Variants in DGKE observed in about 807,000 individuals in gnomAD.
DGKE encodes diacylglycerol kinase epsilon, also known as DAG kinase epsilon.
In DGKE, 53 loss-of-function variants were observed where a neutral mutation model predicts 70.0. The observed-to-expected ratio is 0.76, with a 90% CI of 0.61 to 0.95. The LOEUF is 0.95. Among genes scored for constraint, DGKE ranks in the 40% least tolerant of loss-of-function variants. The pLI is 0.00. For missense variants in DGKE, 655 were observed against 706.9 expected (o/e 0.93, Z 0.83); for synonymous variants, 291 against 257.0 (o/e 1.13, Z -1.27).
Position 56,834,837 on chromosome 17 carries a change from G to A in DGKE, c.42G>A (p.Glu14=). 1.9e-6 allele frequency: 3 copies of A among 1,610,330 alleles called. No homozygotes were observed. The highest frequency in any genetic ancestry group is 2.5e-6 in the Non-Finnish European group (3 of 1,178,650). ...ERRPAPGSPS[E]GLFADGHLIL... Reference sequence around the variant, plus strand: ...GGCCGGCGCCGGGCTCGCCCTCCGAGGGCCTGTTTGCGGACGGGCACCTGA... The same window carrying A: ...GGCCGGCGCCGGGCTCGCCCTCCGAAGGCCTGTTTGCGGACGGGCACCTGA... The change falls in exon 2 of 12, where the codon GAG becomes GAA. Residue 14 remains glutamate (E), a synonymous_variant. Coordinates refer to ENST00000284061, the MANE Select transcript of DGKE (RefSeq NM_003647.3).
At chr17:56,858,021 C>T (rs1388686771) in intron 8 of DGKE, among the ~76,000 whole-genome samples, 1 of 140,886 alleles carries the variant, frequency 7.1e-6, no homozygotes, top group Non-Finnish European at 1.5e-5. Context: ...TGCAGTGGGC[C>T]GAGATCGCGC....
In DGKE at chr17:56,861,866, G is replaced by A. The variant is rs1480696814; in HGVS notation, c.1360G>A (p.Gly454Ser). 1.3e-5 allele frequency: 21 copies of A among 1,613,768 alleles called. No individual in the cohort carries two copies. Among genetic ancestry groups the A allele is most frequent in the East Asian group, 6.7e-5 (3 of 44,898 alleles). Residue 454 changes from glycine to serine, a missense_variant, in exon 10 of 12, where the codon GGT becomes AGT. Transcript: ENST00000284061. ...IIVLNIGYWG[G>S]GCRLWEGMGD... ...AGTTCTGAACATCGGATACTGGGGC[G>A]GTGGCTGCAGACTATGGGAAGGGAT... is the stretch of plus-strand genomic sequence containing the variant.
chr17:56,869,503 A>G lies in DGKE; in HGVS notation c.*6712A>G, dbSNP rs551812788. 7.2e-5 allele frequency: 11 copies of G among 152,322 alleles called. No individual in the cohort carries two copies. Among genetic ancestry groups the G allele is most frequent in the African/African-American group, 2.6e-4 (11 of 41,566 alleles). The allele number at this position is 152,322 out of a possible 1,614,324, so 9.4% of individuals were successfully genotyped here. On this transcript the variant is annotated 3_prime_UTR_variant, in exon 12 of 12. Transcript: ENST00000284061. ...GAAGAATATTCTGTAGTCCTGCTTT[A>G]TTCTGCCATCTTTACCTGGAAATCC... is the stretch of plus-strand genomic sequence containing the variant.
chr17:56,862,250 G>T lies in DGKE; in HGVS notation c.1523G>T (p.Arg508Met). The T allele has an allele frequency of 6.2e-7, 1 of 1,612,922 alleles. No individual in the cohort carries two copies. Among genetic ancestry groups the T allele is most frequent in the Non-Finnish European group, 8.5e-7 (1 of 1,179,050 alleles). Residue 508 changes from arginine to methionine, a missense_variant and splice_region_variant, in exon 11 of 12, where the codon AGG becomes ATG. Transcript: ENST00000284061. ...PFRIGQAHTV[R>M]LILKCSMMPM... is the part of the protein sequence containing the mutation. ...CGAATAGGACAGGCACATACAGTGA[G>T]GGTAGGTGAAATATAGCTGTAACAG...
rs371350724 is a variant in DGKE at position 56,844,450 on chromosome 17, TTGCC to T, written c.624+276_624+279del. 7.2e-5 allele frequency among the ~76,000 whole-genome samples: 11 copies of T among 152,310 alleles called. No homozygotes were observed. In the East Asian group the frequency reaches 1.7e-3, roughly 24 times the overall value. On this transcript the variant is annotated intron_variant, in intron 3 of 11. Coordinates refer to ENST00000284061, the MANE Select transcript of DGKE (RefSeq NM_003647.3). The stretch of plus-strand genomic sequence containing the variant: ...TGTTATATTAGTGGTTTCCAAATCA[TTGCC>T]TGCATCTGAATGATTTAGGGAGCTT...
intron 7 of DGKE, among the ~76,000 whole-genome samples, chr17:56,855,118 A>G (rs1258491403): frequency 6.6e-6 from 1 of 152,132 alleles, no homozygotes; most frequent in Non-Finnish European, 1.5e-5. Flanking sequence ...AAACTAGAAA[A>G]AAAAAATTCA....
intron 2 of DGKE, among the ~76,000 whole-genome samples, chr17:56,841,790 CAG>C (rs1906995911): frequency 6.6e-6 from 1 of 152,024 alleles, no homozygotes; most frequent in Admixed American, 6.6e-5. Context: ...TTTTAAAAAA[CAG>C]AAAAGGGGTC....
chr17:56,853,138 A>G (rs1217699785), intron 7 of DGKE, among the ~76,000 whole-genome samples: 2 of 152,290 alleles, frequency 1.3e-5, no homozygotes, highest in East Asian at 3.9e-4. Flanking sequence ...ATTTTTTAAT[A>G]AGATTATTGG....
rs148695016 is a variant in DGKE, at chr17:56,862,146, C to T, written c.1419C>T (p.Asp473=). The change falls in exon 11 of 12, where the codon GAC becomes GAT. Residue 473 remains aspartate, a synonymous_variant. Coordinates refer to ENST00000284061, the MANE Select transcript of DGKE (RefSeq NM_003647.3). ...GDETYPLARH[D]DGLLEVVGVY... is the part of the protein sequence containing the mutation. ...TTTCTTTTTCCAATTTTAGGCATGA[C>T]GATGGTCTGCTGGAAGTCGTTGGAG... is the stretch of plus-strand genomic sequence containing the variant. 2.6e-5 allele frequency: 42 copies of T among 1,613,898 alleles called. No individual in the cohort carries two copies. The highest frequency in any genetic ancestry group is 5.0e-5 in the Admixed American group (3 of 59,988).
At chr17:56,837,356 A>G (rs752003419) in intron 2 of DGKE, among the ~76,000 whole-genome samples, 8 of 152,170 alleles carry the variant, frequency 5.3e-5, no homozygotes, top group Non-Finnish European at 1.2e-4. Context: ...ATATCTTTAA[A>G]AACATGCACC....
chr17:56,841,791 AG>A (rs1364103398), intron 2 of DGKE, among the ~76,000 whole-genome samples: 2 of 152,154 alleles, frequency 1.3e-5, no homozygotes, highest in African/African-American at 4.8e-5. Context: ...TTTAAAAAAC[AG>A]AAAAGGGGTC....
chr17:56,834,690 G>C, intron 1 of DGKE, 88 bp from the exon 2 acceptor site: 1 of 1,275,898 alleles, frequency 7.8e-7, no homozygotes, highest in East Asian at 2.3e-5. Flanking sequence ...CTTCACTGAG[G>C]GCGCCCGGTT....
intron 4 of DGKE, among the ~76,000 whole-genome samples, chr17:56,846,630 A>G (rs1598028348): frequency 7.4e-6 from 1 of 135,832 alleles, no homozygotes; most frequent in African/African-American, 2.8e-5. Flanking sequence ...AAAATTAACC[A>G]AAAAACAAAA....
In DGKE at chr17:56,867,972, C is replaced by A. The variant is rs1447021446; in HGVS notation, c.*5181C>A. ...ATCAGATATCAGACCAAGAACACTT[C>A]AGTCTCTCTAAGGATGCCCTGAGCT... is the stretch of plus-strand genomic sequence containing the variant. On this transcript the variant is annotated 3_prime_UTR_variant, in exon 12 of 12. Transcript: ENST00000284061. The A allele has an allele frequency of 6.6e-6, 1 of 152,120 alleles. No individual in the cohort carries two copies. Among genetic ancestry groups the A allele is most frequent in the Admixed American group, 6.5e-5 (1 of 15,274 alleles). 9.4% of individuals were successfully genotyped at this position (152,120 alleles called of 1,614,324 possible).
rs1217805964 is a variant in DGKE, at chr17:56,867,309, G to A, written c.*4518G>A. 1 of 152,174 alleles carries A rather than the reference G, an allele frequency of 6.6e-6. No individual in the cohort carries two copies. Among genetic ancestry groups the A allele is most frequent in the Non-Finnish European group, 1.5e-5 (1 of 68,054 alleles). 9.4% of individuals were successfully genotyped at this position (152,174 alleles called of 1,614,324 possible). On this transcript the variant is annotated 3_prime_UTR_variant, in exon 12 of 12. Coordinates refer to ENST00000284061, the MANE Select transcript of DGKE (RefSeq NM_003647.3). The stretch of plus-strand genomic sequence containing the variant: ...TCACCTAGAAACTATAAATAGAAAT[G>A]TGCTGCTGAGGCTGGGCACGGTGGC...
chr17:56,844,216 A>G, intron 3 of DGKE, 38 bp downstream of exon 3: 1 of 1,362,376 alleles, frequency 7.3e-7, no homozygotes. Flanking sequence ...ATTGATTTTT[A>G]AAAAGCTGCT....
chr17:56,853,624 A>G (rs1471799732), intron 7 of DGKE, among the ~76,000 whole-genome samples: 1 of 152,124 alleles, frequency 6.6e-6, no homozygotes, highest in African/African-American at 2.4e-5. Context: ...ATGTGTATTT[A>G]TTTGGGGCTT....
In DGKE at chr17:56,848,743, A is replaced by G. The variant is rs1267801491; in HGVS notation, c.936A>G (p.Thr312=). Residue 312 remains threonine, a synonymous_variant, in exon 6 of 12, where the codon ACA becomes ACG. Coordinates refer to ENST00000284061, the MANE Select transcript of DGKE (RefSeq NM_003647.3). ...AAGTTGCAGTTTTGCCTCTGGGAAC[A>G]GGCAACGATCTATCCAATACATTGG... ...IPQVAVLPLG[T]GNDLSNTLGW... 4.4e-5 allele frequency: 71 copies of G among 1,614,032 alleles called. No homozygotes were observed. Among genetic ancestry groups the G allele is most frequent in the Non-Finnish European group, 5.7e-5 (67 of 1,179,998 alleles).
chr17:56,852,522 G>A (rs1356928450), intron 7 of DGKE, among the ~76,000 whole-genome samples: 6 of 152,120 alleles, frequency 3.9e-5, no homozygotes, highest in Non-Finnish European at 7.4e-5. Context: ...TTATAAATGA[G>A]GAGGAGTAGA....
Sources: allele counts gnomAD v4.1 joint callset (sites outside exome capture counted in the v4.1 genomes callset), GRCh38; gene constraint gnomAD v4.1.1; transcripts MANE v1.5; gene names NCBI Gene and HGNC (gene_info 2026-07-23, HGNC 2026-07-21).